Variants in RAB4A observed in about 807,000 individuals in gnomAD.
RAB4A encodes the protein RAB4A, member RAS oncogene family.
RAB4A carries 20 observed loss-of-function variants against 34.5 expected under a neutral mutation model. That is an observed-to-expected ratio of 0.58 (90% CI 0.41 to 0.84). The LOEUF (loss-of-function observed/expected upper bound fraction) is 0.84, where lower values mean the gene tolerates loss of function less well. RAB4A is among the 40% of genes least tolerant of loss of function. The pLI is 0.00. For missense variants in RAB4A, 228 were observed against 274.5 expected (o/e 0.83, Z 1.20); for synonymous variants, 102 against 100.0 (o/e 1.02, Z -0.12).
chr1:229,286,792 A>T (rs1363440984), intron 2 of RAB4A, among the ~76,000 whole-genome samples: 1 of 152,220 alleles, frequency 6.6e-6, no homozygotes, highest in Non-Finnish European at 1.5e-5. Flanking sequence ...CATTTTGCAG[A>T]TGCTGAGAGA....
intron 2 of RAB4A, among the ~76,000 whole-genome samples, chr1:229,286,796 T>C (rs1270186340): frequency 6.6e-6 from 1 of 152,238 alleles, no homozygotes; most frequent in African/African-American, 2.4e-5. Context: ...TTGCAGATGC[T>C]GAGAGACCAT....
Position 229,271,224 on chromosome 1 carries a change from G to A in RAB4A, c.-116G>A, listed in dbSNP as rs918507312. The A allele has an allele frequency of 1.3e-4, 139 of 1,083,136 alleles. 1 individual carries two copies. Among genetic ancestry groups the A allele is most frequent in the South Asian group, 4.6e-4 (14 of 30,670 alleles). The allele number at this position is 1,083,136 out of a possible 1,614,324, so 67.1% of individuals were successfully genotyped here. ...GAGACCGGCGGTTGCCGTGGGGACC[G>A]GTCGGGCCCCTCCCTCCTCCGGTCC... On this transcript the variant is annotated 5_prime_UTR_variant, in exon 1 of 8. Transcript: ENST00000366690.
rs1036551448 is a variant in RAB4A at position 229,289,029 on chromosome 1, A to G, written c.227+186A>G. On this transcript the variant is annotated intron_variant, in intron 3 of 7. Coordinates refer to ENST00000366690, the MANE Select transcript of RAB4A (RefSeq NM_004578.4). ...AAAATTTAGGTTAGCTCTCTGCAGC[A>G]TGGATTACTAAAGAATACAGGAGGA... The G allele has an allele frequency of 5.4e-6, 3 of 556,760 alleles. No individual in the cohort carries two copies. The African/African-American group carries it at 5.8e-5, about 11-fold the overall frequency. 34.5% of individuals were successfully genotyped at this position (556,760 alleles called of 1,614,324 possible).
chr1:229,286,516 A>G lies in RAB4A; in HGVS notation c.62A>G (p.Asn21Ser). ...TTGTTTAAGTTCTTGGTTATTGGAA[A>G]TGCAGGAACTGGCAAATCTTGCTTA... ...DFLFKFLVIG[N>S]AGTGKSCLLH... The change falls in exon 2 of 8, where the codon AAT becomes AGT. Residue 21 changes from asparagine (N) to serine (S), a missense_variant. Transcript: ENST00000366690. 2 of 1,582,236 alleles carry G rather than the reference A, an allele frequency of 1.3e-6. No individual in the cohort carries two copies. The highest frequency in any genetic ancestry group is 1.7e-6 in the Non-Finnish European group (2 of 1,166,210).
intron 1 of RAB4A, among the ~76,000 whole-genome samples, chr1:229,274,593 A>T (rs1028838625): frequency 6.6e-6 from 1 of 152,370 alleles, no homozygotes; most frequent in East Asian, 1.9e-4. Flanking sequence ...ACCAAATGCC[A>T]TTAGATACAC....
At chr1:229,272,920 G>C (rs1656533582) in intron 1 of RAB4A, among the ~76,000 whole-genome samples, 1 of 152,218 alleles carries the variant, frequency 6.6e-6, no homozygotes, top group Non-Finnish European at 1.5e-5. Context: ...CCTTCATCAG[G>C]ACAAGTGTTT....
rs1558242306 is a variant in RAB4A at position 229,302,286 on chromosome 1, TATATATATATA to T, written c.542-575_542-565del. On this transcript the variant is annotated intron_variant, in intron 6 of 7. Transcript: ENST00000366690. Reference sequence around the variant, plus strand: ...ATATATATATATATATATATATATATATATATATATATATATATATATATTTTTTTTTTTTT... The same window carrying T: ...ATATATATATATATATATATATATATTATATATATATATTTTTTTTTTTTT... 5.2e-3 allele frequency among the ~76,000 whole-genome samples: 117 copies of T among 22,540 alleles called. 6 individuals carry two copies. Among genetic ancestry groups the T allele is most frequent in the African/African-American group, 0.021 (108 of 5,072 alleles). 14.8% of individuals were successfully genotyped at this position (22,540 alleles called of 152,430 possible).
chr1:229,273,652 T>A (rs900202802), intron 1 of RAB4A, among the ~76,000 whole-genome samples: 1 of 152,142 alleles, frequency 6.6e-6, no homozygotes, highest in African/African-American at 2.4e-5. Flanking sequence ...GGCATGAGAA[T>A]TGCTTGAACC....
rs1485103328 is a variant in RAB4A at position 229,271,392 on chromosome 1, G to C, written c.31+22G>C. ...TACGGTACGAGGCCCGGGCTGGCGG[G>C]GCGCGCGGGTCGGGCCGCGGGGGGC... On this transcript the variant is annotated intron_variant, in intron 1 of 7. Transcript: ENST00000366690. The C allele has an allele frequency of 2.5e-6, 3 of 1,221,376 alleles. No homozygotes were observed. In the African/African-American group the frequency reaches 4.7e-5, roughly 19 times the overall value. 75.7% of individuals were successfully genotyped at this position (1,221,376 alleles called of 1,614,324 possible).
rs570587222 is a variant in RAB4A, at chr1:229,297,765, TG to T, written c.445+130del. The T allele has an allele frequency of 4.6e-5, 50 of 1,083,088 alleles. No homozygotes were observed. The African/African-American group carries it at 5.9e-4, about 13-fold the overall frequency. 67.1% of individuals were successfully genotyped at this position (1,083,088 alleles called of 1,614,324 possible). On this transcript the variant is annotated intron_variant, in intron 5 of 7. Coordinates refer to ENST00000366690, the MANE Select transcript of RAB4A (RefSeq NM_004578.4). ...ATTTAGGAAATGTGGAATTTCCAAT[TG>T]TTTTTTTCTATAAATTAGACCTATT...
chr1:229,302,278 TATATATATATATATATATA>T (rs1558242205), intron 6 of RAB4A, among the ~76,000 whole-genome samples: 319 of 22,850 alleles, frequency 0.014, 16 homozygotes, highest in African/African-American at 0.021. Flanking sequence ...TATATATATA[TATATATATATATATATATA>T]TATATATATA....
intron 3 of RAB4A, among the ~76,000 whole-genome samples, chr1:229,292,486 G>T (rs1045467443): frequency 1.3e-5 from 2 of 152,110 alleles, no homozygotes; most frequent in Non-Finnish European, 2.9e-5. Context: ...GTGAACAAGC[G>T]AGGCCTTTCC....
chr1:229,290,626 AAGAG>A (rs1176175753), intron 3 of RAB4A, among the ~76,000 whole-genome samples: 3 of 152,204 alleles, frequency 2.0e-5, no homozygotes, highest in African/African-American at 7.2e-5. Context: ...TCTATAGCAA[AAGAG>A]AGAGCTCAAA....
At chr1:229,271,432 G>T (rs1171131829) in intron 1 of RAB4A, 62 bp downstream of exon 1, 1 of 1,174,766 alleles carries the variant, frequency 8.5e-7, no homozygotes, top group Non-Finnish European at 1.1e-6. Flanking sequence ...GTGGCGCGGG[G>T]CCGGGCCTGG....
intron 1 of RAB4A, among the ~76,000 whole-genome samples, chr1:229,281,316 G>A (rs1656770447): frequency 6.6e-6 from 1 of 151,976 alleles, no homozygotes; most frequent in Admixed American, 6.6e-5. Flanking sequence ...CAGCTGTTTG[G>A]CATATACACG....
rs148263889 is a variant in RAB4A, at chr1:229,305,272, G to A, written c.*1479G>A. The A allele has an allele frequency of 6.5e-5, 103 of 1,595,188 alleles. No homozygotes were observed. In the African/African-American group the frequency reaches 1.3e-3, roughly 20 times the overall value. On this transcript the variant is annotated 3_prime_UTR_variant, in exon 8 of 8. Transcript: ENST00000366690. ...AACTACTTCTTAGACCTCACTGTAA[G>A]AATATTTTATTCAATGTCTCATTTA...
chr1:229,298,011 A>C (rs1657291268), intron 5 of RAB4A, among the ~76,000 whole-genome samples: 2 of 152,206 alleles, frequency 1.3e-5, no homozygotes, highest in African/African-American at 4.8e-5. Flanking sequence ...ACCCAAATAG[A>C]AAGGGAAGCG....
At chr1:229,274,656 T>C (rs1656595264) in intron 1 of RAB4A, among the ~76,000 whole-genome samples, 1 of 152,262 alleles carries the variant, frequency 6.6e-6, no homozygotes, top group Admixed American at 6.5e-5. Context: ...CCCAAGGAAC[T>C]CTGCTTCAGC....
chr1:229,274,704 A>G (rs1431517425), intron 1 of RAB4A, among the ~76,000 whole-genome samples: 1 of 152,256 alleles, frequency 6.6e-6, no homozygotes, highest in Non-Finnish European at 1.5e-5. Flanking sequence ...GGCTGAAAGT[A>G]ATTTTGATGC....
Sources: allele counts gnomAD v4.1 joint callset (sites outside exome capture counted in the v4.1 genomes callset), GRCh38; gene constraint gnomAD v4.1.1; transcripts MANE v1.5; gene names NCBI Gene and HGNC (gene_info 2026-07-23, HGNC 2026-07-21).